The following SPON1 variants were observed in gnomAD, a reference collection of about 807,000 sequenced individuals.
The protein encoded by SPON1 is spondin-1.
A neutral mutation model predicts 111.7 loss-of-function variants in SPON1; 52 were observed. The observed-to-expected ratio is 0.47, with a 90% CI of 0.37 to 0.59. The LOEUF (loss-of-function observed/expected upper bound fraction) is 0.59. SPON1 is among the 20% of genes least tolerant of loss of function. The pLI, the probability that SPON1 is intolerant of heterozygous loss-of-function variation, is 0.00. For missense variants in SPON1, 957 were observed against 1,068.5 expected, an observed-to-expected ratio of 0.90 and a Z score of 1.46; for synonymous variants, 410 against 395.8, an observed-to-expected ratio of 1.04 and a Z score of -0.43.
chr11:13,978,538 A>T (rs537003039), intron 1 of SPON1, among the ~76,000 whole-genome samples: 1 of 152,248 alleles, frequency 6.6e-6, no homozygotes, highest in African/African-American at 2.4e-5. Flanking sequence ...TAATGAGTTC[A>T]TATTTACTAA....
At chr11:13,992,116 A>G (rs999711029) in intron 2 of SPON1, among the ~76,000 whole-genome samples, 117 of 152,206 alleles carry the variant, frequency 7.7e-4, no homozygotes, top group African/African-American at 2.7e-3. Flanking sequence ...CTCTCTTCAG[A>G]GCCATCAGGC....
intron 2 of SPON1, among the ~76,000 whole-genome samples, chr11:14,004,984 A>AT (rs1161074348): frequency 2.0e-5 from 3 of 151,938 alleles, no homozygotes; most frequent in Non-Finnish European, 4.4e-5. Flanking sequence ...TTTAAAAAAA[A>AT]TTTTTTTAGA....
intron 2 of SPON1, among the ~76,000 whole-genome samples, chr11:13,985,546 C>A (rs918498250): frequency 6.6e-6 from 1 of 152,158 alleles, no homozygotes; most frequent in Non-Finnish European, 1.5e-5. Flanking sequence ...CTCTGGGTAC[C>A]TGCCTGTGAC....
At chr11:14,046,328 C>A (rs11023061) in intron 3 of SPON1, among the ~76,000 whole-genome samples, 1 of 152,116 alleles carries the variant, frequency 6.6e-6, no homozygotes, top group African/African-American at 2.4e-5. Flanking sequence ...GAACACAGAG[C>A]CCATTGATAT....
chr11:14,170,866 C>A lies in SPON1; in HGVS notation c.825+35298C>A, dbSNP rs868911937. ...AGCCCACTTGATCATGGTGGATAAGCTTTTTGATGTGCTGCTGGATTCGGT... is the reference window on the plus strand; with the variant it reads ...AGCCCACTTGATCATGGTGGATAAGATTTTTGATGTGCTGCTGGATTCGGT... On this transcript the variant is annotated intron_variant, in intron 6 of 15. Transcript: ENST00000576479. Among the ~76,000 whole-genome samples, 83 of 152,192 alleles carry A rather than the reference C, an allele frequency of 5.5e-4. 2 individuals are homozygous for A. The South Asian group carries it at 6.0e-3, about 11-fold the overall frequency.
At chr11:14,005,715 T>C (rs1848353804) in intron 2 of SPON1, among the ~76,000 whole-genome samples, 1 of 70,486 alleles carries the variant, frequency 1.4e-5, no homozygotes, top group African/African-American at 6.1e-5. Flanking sequence ...TGGCACATAG[T>C]AAGTTGCTAA....
chr11:14,165,224 TTA>T (rs1848014388), intron 6 of SPON1, among the ~76,000 whole-genome samples: 1 of 144,654 alleles, frequency 6.9e-6, no homozygotes, highest in Non-Finnish European at 1.5e-5. Context: ...CAAGATGGAG[TTA>T]GTTAAGTTAG....
At chr11:14,008,279 G>A (rs1554913380) in intron 2 of SPON1, among the ~76,000 whole-genome samples, 1 of 152,130 alleles carries the variant, frequency 6.6e-6, no homozygotes, top group Non-Finnish European at 1.5e-5. Context: ...ATATTCACAG[G>A]ATGATGCTGG....
At chr11:13,981,502 AT>A (rs1294485112) in intron 1 of SPON1, among the ~76,000 whole-genome samples, 2 of 152,078 alleles carry the variant, frequency 1.3e-5, no homozygotes, top group African/African-American at 4.8e-5. Context: ...AATTGTTTGT[AT>A]TTTTAGTAGA....
At chr11:14,048,813 G>A (rs1021318734) in intron 3 of SPON1, among the ~76,000 whole-genome samples, 4 of 152,206 alleles carry the variant, frequency 2.6e-5, no homozygotes, top group Non-Finnish European at 4.4e-5. Flanking sequence ...ATCTCATGAA[G>A]TGATCCTCTG....
At chr11:14,016,772 G>T (rs540761625) in intron 2 of SPON1, among the ~76,000 whole-genome samples, 1 of 152,306 alleles carries the variant, frequency 6.6e-6, no homozygotes, top group South Asian at 2.1e-4. Context: ...GAAGCTGGCT[G>T]TTGACTCACA....
intron 2 of SPON1, among the ~76,000 whole-genome samples, chr11:14,019,655 A>G (rs967378491): frequency 6.6e-6 from 1 of 152,192 alleles, no homozygotes; most frequent in Admixed American, 6.5e-5. Context: ...TTTATTGTTT[A>G]GCAAGGAGTT....
At chr11:13,965,626 C>A (rs192001791) in intron 1 of SPON1, among the ~76,000 whole-genome samples, 1 of 152,176 alleles carries the variant, frequency 6.6e-6, no homozygotes, top group Non-Finnish European at 1.5e-5. Context: ...CATCTTTTCT[C>A]CCTTCTTATG....
intron 6 of SPON1, among the ~76,000 whole-genome samples, chr11:14,174,384 C>A (rs1848148975): frequency 2.0e-5 from 3 of 152,284 alleles, no homozygotes; most frequent in African/African-American, 7.2e-5. Flanking sequence ...GTTAGCCATC[C>A]CTTAAAGTGT....
intron 1 of SPON1, among the ~76,000 whole-genome samples, chr11:13,964,709 C>T (rs996717698): frequency 7.2e-5 from 11 of 152,190 alleles, no homozygotes; most frequent in East Asian, 3.9e-4. Context: ...CGCGGCTTGG[C>T]ACCGCGGCTA....
intron 6 of SPON1, among the ~76,000 whole-genome samples, chr11:14,235,856 G>A (rs1848859694): frequency 6.6e-6 from 1 of 152,174 alleles, no homozygotes; most frequent in Admixed American, 6.5e-5. Context: ...TTTGAGCAAA[G>A]ACCTGGAGGA....
At chr11:14,216,806 A>G (rs1311063368) in intron 6 of SPON1, among the ~76,000 whole-genome samples, 1 of 152,236 alleles carries the variant, frequency 6.6e-6, no homozygotes, top group Non-Finnish European at 1.5e-5. Flanking sequence ...TAAGTTTCCA[A>G]CACATGAATT....
At chr11:14,221,780 G>A (rs999622836) in intron 6 of SPON1, among the ~76,000 whole-genome samples, 2 of 152,146 alleles carry the variant, frequency 1.3e-5, no homozygotes, top group African/African-American at 2.4e-5. Flanking sequence ...ATGATGCAGG[G>A]CAAGAGGAAA....
chr11:14,253,861 G>A lies in SPON1; in HGVS notation c.891-667G>A, dbSNP rs781890413. 6.0e-4 allele frequency among the ~76,000 whole-genome samples: 92 copies of A among 152,224 alleles called. 3 individuals are homozygous for A. Among genetic ancestry groups the A allele is most frequent in the Admixed American group, 1.2e-3 (19 of 15,286 alleles). ...ATAATATGGGACTGCCACCCGCTGT[G>A]TGCTTTGCGAATGTGACTCTTTCCT... On this transcript the variant is annotated intron_variant, in intron 7 of 15. Transcript: ENST00000576479.
Sources: gnomAD v4.1 joint callset for allele counts (sites outside exome capture counted in the v4.1 genomes callset) on GRCh38, gnomAD v4.1.1 for gene constraint, MANE v1.5 for transcripts, NCBI Gene and HGNC (gene_info 2026-07-23, HGNC 2026-07-21) for gene names.